Variants in GALNT17 observed in about 807,000 individuals in gnomAD.
GALNT17 encodes the protein polypeptide N-acetylgalactosaminyltransferase 17.
GALNT17 carries 29 observed loss-of-function variants against 63.7 expected under a neutral mutation model. The observed-to-expected ratio is 0.46, with a 90% confidence interval of 0.34 to 0.62. The LOEUF (loss-of-function observed/expected upper bound fraction) is 0.62, where lower values mean the gene tolerates loss of function less well. Ranked by LOEUF, GALNT17 falls within the 20% of genes least tolerant of loss-of-function variation. The pLI is 0.01. For synonymous variants in GALNT17, 305 were observed against 318.3 expected (o/e 0.96, Z 0.45); for missense variants, 603 against 799.6 (o/e 0.75, Z 2.97).
chr7:71,165,926 G>A (rs1162148244), intron 1 of GALNT17, among the ~76,000 whole-genome samples: 4 of 150,832 alleles, frequency 2.7e-5, no homozygotes, highest in Admixed American at 2.6e-4. Context: ...GAGTCAGTGT[G>A]CAAGGATGTT....
intron 2 of GALNT17, among the ~76,000 whole-genome samples, chr7:71,349,829 A>G (rs1417782909): frequency 2.0e-5 from 3 of 152,206 alleles, no homozygotes; most frequent in Non-Finnish European, 2.9e-5. Context: ...TATGAACACA[A>G]ATGAAGTTTT....
intron 1 of GALNT17, among the ~76,000 whole-genome samples, chr7:71,305,888 G>A (rs908898100): frequency 2.6e-5 from 4 of 152,198 alleles, no homozygotes; most frequent in Admixed American, 2.0e-4. Flanking sequence ...GCCACTGGAA[G>A]CTTTAAGCAA....
At chr7:71,435,719 C>G (rs765494519) in intron 5 of GALNT17, among the ~76,000 whole-genome samples, 3 of 152,030 alleles carry the variant, frequency 2.0e-5, no homozygotes, top group African/African-American at 7.2e-5. Context: ...CGAAGTTGCT[C>G]TAAAAAACTC....
At chr7:71,625,162 T>TTTA in intron 6 of GALNT17, among the ~76,000 whole-genome samples, 1 of 108,414 alleles carries the variant, frequency 9.2e-6, no homozygotes, top group African/African-American at 2.7e-5. Context: ...TTATTTATTT[T>TTTA]GAGACAGAGT....
chr7:71,646,211 A>G (rs11972408), intron 6 of GALNT17, among the ~76,000 whole-genome samples: 8,985 of 152,262 alleles, frequency 0.059, 871 homozygotes, highest in African/African-American at 0.2. Context: ...TGACTTCCAT[A>G]GCTTCTAACC....
At chr7:71,458,500 G>A (rs1787394327) in intron 5 of GALNT17, among the ~76,000 whole-genome samples, 1 of 152,194 alleles carries the variant, frequency 6.6e-6, no homozygotes, top group South Asian at 2.1e-4. Flanking sequence ...ATTTAGCTCA[G>A]TTGCAGTGCT....
chr7:71,692,064 CCAT>C (rs1791455952), intron 9 of GALNT17, among the ~76,000 whole-genome samples: 3 of 152,038 alleles, frequency 2.0e-5, no homozygotes, highest in Non-Finnish European at 2.9e-5. Context: ...CCACACACCA[CCAT>C]GCTTGGCTAA....
chr7:71,413,515 G>A (rs1309817244), intron 3 of GALNT17, among the ~76,000 whole-genome samples: 3 of 149,232 alleles, frequency 2.0e-5, no homozygotes, highest in Non-Finnish European at 4.4e-5. Flanking sequence ...ACAGGTACCC[G>A]CCACCATGCC....
chr7:71,368,869 C>G (rs1792563009), intron 2 of GALNT17, among the ~76,000 whole-genome samples: 1 of 150,470 alleles, frequency 6.6e-6, no homozygotes, highest in African/African-American at 2.5e-5. Flanking sequence ...GCATGGCCCT[C>G]CATCAGTGAT....
At chr7:71,393,998 T>A (rs1309408918) in intron 3 of GALNT17, among the ~76,000 whole-genome samples, 1 of 152,092 alleles carries the variant, frequency 6.6e-6, no homozygotes, top group Non-Finnish European at 1.5e-5. Context: ...CTCCCCGATC[T>A]TCTTTTTGCA....
chr7:71,438,183 C>T (rs1484662985), intron 5 of GALNT17, among the ~76,000 whole-genome samples: 1 of 152,150 alleles, frequency 6.6e-6, no homozygotes, highest in African/African-American at 2.4e-5. Flanking sequence ...TATTAACTCA[C>T]AAGATGACAA....
chr7:71,617,902 C>A (rs1269656856), intron 6 of GALNT17, among the ~76,000 whole-genome samples: 2 of 152,096 alleles, frequency 1.3e-5, no homozygotes, highest in African/African-American at 4.8e-5. Context: ...CCACCTTGAC[C>A]TCCTAAAGTG....
intron 5 of GALNT17, among the ~76,000 whole-genome samples, chr7:71,526,068 A>C (rs1331965777): frequency 6.6e-6 from 1 of 152,050 alleles, no homozygotes; most frequent in Non-Finnish European, 1.5e-5. Flanking sequence ...GCAGCATGAA[A>C]ACAGACCAAT....
At chr7:71,506,352 C>T (rs1370780707) in intron 5 of GALNT17, among the ~76,000 whole-genome samples, 1 of 152,080 alleles carries the variant, frequency 6.6e-6, no homozygotes, top group East Asian at 1.9e-4. Context: ...CTGCAGCCTC[C>T]GCCTTCTGGG....
At chr7:71,316,245 T>C (rs994166579) in intron 1 of GALNT17, among the ~76,000 whole-genome samples, 2 of 136,614 alleles carry the variant, frequency 1.5e-5, no homozygotes, top group Middle Eastern at 3.5e-3. Context: ...AGGATCCTGA[T>C]CTGTGGGTCT....
At chr7:71,670,171 G>A (rs575676835) in intron 8 of GALNT17, 62 bp downstream of exon 8, 27 of 1,605,258 alleles carry the variant, frequency 1.7e-5, no homozygotes, top group South Asian at 2.2e-5. Context: ...GGGTTGCTTC[G>A]CTGGGGAGAA....
intron 5 of GALNT17, among the ~76,000 whole-genome samples, chr7:71,559,460 A>G (rs1259803347): frequency 6.6e-6 from 1 of 152,156 alleles, no homozygotes; most frequent in Admixed American, 6.6e-5. Context: ...TTAGTTCTGC[A>G]CTTATTTGCA....
chr7:71,575,786 A>G (rs1029312601), intron 6 of GALNT17, among the ~76,000 whole-genome samples: 1 of 152,154 alleles, frequency 6.6e-6, no homozygotes, highest in Non-Finnish European at 1.5e-5. Flanking sequence ...GTAAGTAAAG[A>G]TCTGTCAGAA....
At chr7:71,161,090 A>G (rs904960477) in intron 1 of GALNT17, among the ~76,000 whole-genome samples, 1 of 152,012 alleles carries the variant, frequency 6.6e-6, no homozygotes, top group African/African-American at 2.4e-5. Context: ...CTCCCCAAGC[A>G]TTGGGATTAC....
Sources: allele counts gnomAD v4.1 joint callset (sites outside exome capture counted in the v4.1 genomes callset), GRCh38; gene constraint gnomAD v4.1.1; transcripts MANE v1.5; gene names NCBI Gene and HGNC (gene_info 2026-07-23, HGNC 2026-07-21).